The following RAB33A variants were observed in gnomAD, a reference collection of about 807,000 sequenced individuals.
RAB33A encodes ras-related protein Rab-33A.
A neutral mutation model predicts 12.0 loss-of-function variants in RAB33A; 6 were observed. The ratio of observed to expected loss-of-function variants is 0.50; its 90% CI spans 0.27 to 0.99. The LOEUF is 0.99. RAB33A is among the 50% of genes least tolerant of loss of function. The pLI, the probability that RAB33A is intolerant of heterozygous loss-of-function variation, is 0.11. For missense variants in RAB33A, 109 were observed against 192.0 expected (o/e 0.57, Z 2.55); for synonymous variants, 70 against 82.4 (o/e 0.85, Z 0.81).
intron 1 of RAB33A, among the ~76,000 whole-genome samples, chrX:130,175,492 CT>C (rs5903795): frequency 1.2e-3 from 87 of 75,564 alleles, no homozygotes; most frequent in South Asian, 2.0e-3. Flanking sequence ...ACTGGGTTTA[CT>C]TTTTTTTTTT....
At chrX:130,144,973 C>A in the RAB33A span, among the ~76,000 whole-genome samples, 1 of 111,860 alleles carries the variant, frequency 8.9e-6, no homozygotes, top group Non-Finnish European at 1.9e-5. Context: ...TATTGGAACA[C>A]TGCCATTAGT....
intron 1 of RAB33A, among the ~76,000 whole-genome samples, chrX:130,183,281 C>A (rs2031751236): frequency 1.8e-5 from 2 of 108,292 alleles, no homozygotes; most frequent in African/African-American, 6.7e-5. Context: ...TAAAAAAATT[C>A]TCAGTGGCTC....
At chrX:130,114,299 C>T in the RAB33A span, among the ~76,000 whole-genome samples, 1 of 112,063 alleles carries the variant, frequency 8.9e-6, no homozygotes, top group Non-Finnish European at 1.9e-5. Context: ...CTAACCACAG[C>T]CCCATGATCT....
chrX:130,111,689 A>G, the RAB33A span, among the ~76,000 whole-genome samples: 15 of 111,746 alleles, frequency 1.3e-4, no homozygotes, highest in Non-Finnish European at 2.5e-4. Flanking sequence ...AAAGAGAGCC[A>G]GAGTTCGGGT....
Position 130,184,457 on chromosome X carries a change from TCCC to T in RAB33A, c.433_435del (p.Pro145del). On this transcript the variant is annotated inframe_deletion, in exon 2 of 2. Transcript: ENST00000257017. ...AATGGGCATGCTGTGCCCCCACTAGTCCCCAAAGTGCTTGTGGGCAACAAGTGT... is the reference window on the plus strand; with the variant it reads ...AATGGGCATGCTGTGCCCCCACTAGTCAAAGTGCTTGTGGGCAACAAGTGT... 1 of 1,211,899 alleles carries T rather than the reference TCCC, an allele frequency of 8.3e-7. No homozygotes were observed. Among genetic ancestry groups the T allele is most frequent in the Non-Finnish European group, 1.1e-6 (1 of 895,333 alleles).
At chrX:130,131,513 C>G in the RAB33A span, among the ~76,000 whole-genome samples, 1 of 111,777 alleles carries the variant, frequency 8.9e-6, no homozygotes, top group East Asian at 2.8e-4. Flanking sequence ...AATCTCAGAC[C>G]ACTAAAGAGT....
chrX:130,138,352 C>G, the RAB33A span, among the ~76,000 whole-genome samples: 1 of 111,003 alleles, frequency 9.0e-6, no homozygotes, highest in African/African-American at 3.3e-5. Flanking sequence ...GTAGTCCCAG[C>G]TACTCGGGAG....
intron 1 of RAB33A, among the ~76,000 whole-genome samples, chrX:130,176,977 A>G (rs1419161598): frequency 1.8e-5 from 2 of 112,405 alleles, no homozygotes; most frequent in African/African-American, 6.5e-5. Flanking sequence ...GGGAAAAGAA[A>G]TCCCCCTGTC....
the RAB33A span, among the ~76,000 whole-genome samples, chrX:130,160,401 C>CCA: frequency 8.9e-6 from 1 of 111,924 alleles, no homozygotes; most frequent in East Asian, 2.8e-4. Flanking sequence ...TGCAGTCAGA[C>CCA]CACACATACA....
chrX:130,127,690 C>CTTTTTTTT, the RAB33A span, among the ~76,000 whole-genome samples: 1 of 52,954 alleles, frequency 1.9e-5, no homozygotes, highest in African/African-American at 1.6e-4. Context: ...GATGAGTTTT[C>CTTTTTTTT]CTTTTTTTTT....
chrX:130,178,624 T>C (rs2031688219), intron 1 of RAB33A, among the ~76,000 whole-genome samples: 1 of 110,337 alleles, frequency 9.1e-6, no homozygotes, highest in African/African-American at 3.3e-5. Context: ...AGCGAGACCA[T>C]GTCTGATTTT....
chrX:130,132,981 G>A, the RAB33A span, among the ~76,000 whole-genome samples: 1 of 111,153 alleles, frequency 9.0e-6, no homozygotes, highest in African/African-American at 3.3e-5. Flanking sequence ...TCCTGGCCTC[G>A]TGATCCGCCC....
the RAB33A span, among the ~76,000 whole-genome samples, chrX:130,159,451 A>C: frequency 8.9e-6 from 1 of 111,921 alleles, no homozygotes. Context: ...TGATTTTCAG[A>C]AGCTTACAAA....
At chrX:130,168,676 C>T (rs2031572165), upstream of RAB33A, among the ~76,000 whole-genome samples, 1 of 111,885 alleles carries the variant, frequency 8.9e-6, no homozygotes, top group Non-Finnish European at 1.9e-5. Flanking sequence ...CACGTGTGAG[C>T]CACTGTGCCA....
At chrX:130,136,316 T>C in the RAB33A span, 1 of 804,156 alleles carries the variant, frequency 1.2e-6, no homozygotes, top group East Asian at 3.4e-5. Context: ...CTCTGATAAA[T>C]GGATTTTAAG....
chrX:130,143,211 A>G, the RAB33A span, among the ~76,000 whole-genome samples: 2 of 111,588 alleles, frequency 1.8e-5, no homozygotes. Flanking sequence ...ACTTCTACAC[A>G]TATGCAGATG....
At chrX:130,136,350 C>T in the RAB33A span, among the ~76,000 whole-genome samples, 1 of 112,344 alleles carries the variant, frequency 8.9e-6, no homozygotes, top group African/African-American at 3.2e-5. Context: ...GCCTCCACCA[C>T]CCCATCCCAT....
the RAB33A span, chrX:130,140,576 A>T: frequency 3.3e-6 from 4 of 1,211,218 alleles, no homozygotes; most frequent in Non-Finnish European, 4.5e-6. Context: ...GAGAGCCATC[A>T]TTAAGTTTCA....
chrX:130,181,007 C>CAAAAAAA lies in RAB33A; in HGVS notation c.259-3257_259-3251dup, dbSNP rs60085312. Among the ~76,000 whole-genome samples the CAAAAAAA allele has an allele frequency of 4.9e-4, 4 of 8,129 alleles. 2 individuals carry two copies. Among genetic ancestry groups the CAAAAAAA allele is most frequent in the African/African-American group, 6.8e-4 (2 of 2,954 alleles). The allele number at this position is 8,129 out of a possible 115,157, so 7.1% of individuals were successfully genotyped here. On this transcript the variant is annotated intron_variant, in intron 1 of 1. Coordinates refer to ENST00000257017, the MANE Select transcript of RAB33A (RefSeq NM_004794.3). ...TGGGCAACAGAGCAACAGTCCATCT[C>CAAAAAAA]AAAAAAAAAAAAAAAAAAAAAAAAA...
Sources: gnomAD v4.1 joint callset for allele counts (sites outside exome capture counted in the v4.1 genomes callset) on GRCh38, gnomAD v4.1.1 for gene constraint, MANE v1.5 for transcripts, NCBI Gene and HGNC (gene_info 2026-07-23, HGNC 2026-07-21) for gene names.